The following PPIE variants were observed in gnomAD, a reference collection of about 807,000 sequenced individuals.
The protein encoded by PPIE is peptidyl-prolyl cis-trans isomerase E.
A neutral mutation model predicts 38.4 loss-of-function variants in PPIE; 20 were observed. The observed-to-expected ratio is 0.52, with a 90% CI of 0.37 to 0.76. PPIE has a LOEUF of 0.76. Ranked by LOEUF, PPIE falls within the 30% of genes least tolerant of loss-of-function variation. The pLI, the probability that PPIE is intolerant of heterozygous loss-of-function variation, is 0.00. For synonymous variants in PPIE, 142 were observed against 135.7 expected, an observed-to-expected ratio of 1.05 and a Z score of -0.32; for missense variants, 322 against 385.8, an observed-to-expected ratio of 0.83 and a Z score of 1.39.
At chr1:39,759,159 T>C (rs777374866), downstream of PPIE, 4 of 152,224 alleles carry the variant, frequency 2.6e-5, no homozygotes, top group Non-Finnish European at 5.9e-5. Context: ...AGAACAGCAG[T>C]TTCCGAGAAC....
intron 9 of PPIE, chr1:39,762,729 G>A: frequency 1.4e-6 from 2 of 1,429,916 alleles, no homozygotes; most frequent in East Asian, 5.0e-5. Context: ...GTACTCGGCG[G>A]CCCGTGTGCT....
chr1:39,760,702 T>TAAC, downstream of PPIE: 1 of 1,195,328 alleles, frequency 8.4e-7, no homozygotes, highest in African/African-American at 1.6e-5. Flanking sequence ...ACAATAATAA[T>TAAC]AACTATTAAC....
rs780030839 is a variant in PPIE, at chr1:39,753,666, G to A, written c.*311G>A. On this transcript the variant is annotated 3_prime_UTR_variant, in exon 10 of 10. Coordinates refer to ENST00000324379, the MANE Select transcript of PPIE (RefSeq NM_006112.4). ...CTGGGACTACCAGTGTGGCTCTTAC[G>A]TGTTTTCTTTGCTAAAATAAACCCT... The A allele has an allele frequency of 1.1e-5, 13 of 1,177,056 alleles. No homozygotes were observed. The highest frequency in any genetic ancestry group is 3.2e-5 in the African/African-American group (2 of 63,014). 72.9% of individuals were successfully genotyped at this position (1,177,056 alleles called of 1,614,324 possible).
At position 39,745,518 on chromosome 1, in the gene PPIE, C is replaced by A; in HGVS notation, c.508+20C>A. On this transcript the variant is annotated intron_variant, in intron 7 of 9. Transcript: ENST00000324379. ...CAGCAGGTGAGCAGGACGCTGTGGT[C>A]AGAACGGCGGGACGCTGGTGGCTGA... The A allele has an allele frequency of 1.2e-6, 2 of 1,614,130 alleles. No individual in the cohort carries two copies. Among genetic ancestry groups the A allele is most frequent in the South Asian group, 2.2e-5 (2 of 91,044 alleles).
At chr1:39,750,483 T>C (rs1282224930) in intron 8 of PPIE, among the ~76,000 whole-genome samples, 1 of 152,228 alleles carries the variant, frequency 6.6e-6, no homozygotes, top group Non-Finnish European at 1.5e-5. Context: ...ATATTTGCAT[T>C]ATACTTACCA....
chr1:39,753,093 A>C (rs769910016), intron 9 of PPIE, 41 bp downstream of exon 9: 195 of 1,612,688 alleles, frequency 1.2e-4, no homozygotes, highest in Middle Eastern at 9.9e-4. Context: ...CCCAGGCCCT[A>C]GGAGCACAGC....
chr1:39,756,505 C>T lies in PPIE; in HGVS notation c.*3150C>T, dbSNP rs1648287415. 7.1e-6 allele frequency: 7 copies of T among 985,402 alleles called. No homozygotes were observed. The highest frequency in any genetic ancestry group is 8.4e-6 in the Non-Finnish European group (7 of 829,932). 61.0% of individuals were successfully genotyped at this position (985,402 alleles called of 1,614,324 possible). A position where few individuals can be genotyped will look rare whatever the true frequency, so the allele number is the denominator to read the frequency against. On this transcript the variant is annotated 3_prime_UTR_variant, in exon 10 of 10. Transcript: ENST00000324379. ...GTCCTCTCCAACAGCATGACAGCCGCCTCCAGGTGCTCCCAGCATCTGTTG... is the reference window on the plus strand; with the variant it reads ...GTCCTCTCCAACAGCATGACAGCCGTCTCCAGGTGCTCCCAGCATCTGTTG...
chr1:39,755,768 T>C lies in PPIE; in HGVS notation c.*2413T>C. 1 of 985,322 alleles carries C rather than the reference T, an allele frequency of 1.0e-6. No individual in the cohort carries two copies. Among genetic ancestry groups the C allele is most frequent in the Non-Finnish European group, 1.2e-6 (1 of 829,896 alleles). 61.0% of individuals were successfully genotyped at this position (985,322 alleles called of 1,614,324 possible). A position where few individuals can be genotyped will look rare whatever the true frequency, so the allele number is the denominator to read the frequency against. On this transcript the variant is annotated 3_prime_UTR_variant, in exon 10 of 10. Transcript: ENST00000324379. ...TTTGGAGCCATTGGGTGTGGACTCC[T>C]CTCCCAGTGTTCCTCCTGGGTGTTC...
At chr1:39,743,428 A>G in intron 5 of PPIE, 131 bp downstream of exon 5, 1 of 785,820 alleles carries the variant, frequency 1.3e-6, no homozygotes, top group Non-Finnish European at 2.1e-6. Context: ...ATGATGGTTC[A>G]CATTGGGAAG....
At chr1:39,757,697 G>C (rs1648435653), downstream of PPIE, 3 of 152,292 alleles carry the variant, frequency 2.0e-5, no homozygotes, top group African/African-American at 7.2e-5. Context: ...AGATAAACAG[G>C]CCATGCCCTG....
chr1:39,762,418 C>G, intron 9 of PPIE: 1 of 1,425,072 alleles, frequency 7.0e-7, no homozygotes, highest in Non-Finnish European at 9.3e-7. Context: ...GTAAAAAGTT[C>G]TAGAAGGAAG....
chr1:39,741,991 C>A (rs775379840), intron 4 of PPIE, 70 bp downstream of exon 4: 2 of 1,546,288 alleles, frequency 1.3e-6, no homozygotes, highest in African/African-American at 1.4e-5. Flanking sequence ...ATTCATATAT[C>A]AGTGTTCTGG....
intron 7 of PPIE, chr1:39,747,834 A>G (rs1302664498): frequency 6.6e-6 from 1 of 152,162 alleles, no homozygotes; most frequent in Non-Finnish European, 1.5e-5. Flanking sequence ...CTACTGACTA[A>G]TGATGTTGAA....
chr1:39,740,108 G>T (rs1647020564), intron 1 of PPIE, 57 bp from the exon 2 acceptor site: 15 of 1,415,450 alleles, frequency 1.1e-5, no homozygotes, highest in Non-Finnish European at 1.3e-5. Context: ...TGGGCTGCAA[G>T]GACTTCTGCA....
intron 9 of PPIE, chr1:39,762,531 C>G (rs1194821962): frequency 1.4e-5 from 21 of 1,550,034 alleles, no homozygotes; most frequent in Non-Finnish European, 1.8e-5. Flanking sequence ...CCCCAGATAC[C>G]AAGGCATCAA....
chr1:39,743,659 G>A (rs1364614269), intron 5 of PPIE, among the ~76,000 whole-genome samples, 165 bp from the exon 6 acceptor site: 1 of 152,178 alleles, frequency 6.6e-6, no homozygotes, highest in Non-Finnish European at 1.5e-5. Flanking sequence ...CTGGACTTCA[G>A]GGCCTACATT....
At chr1:39,743,968 C>A in intron 6 of PPIE, 44 bp downstream of exon 6, 1 of 1,385,274 alleles carries the variant, frequency 7.2e-7, no homozygotes, top group South Asian at 1.3e-5. Flanking sequence ...CCGGCGCTGT[C>A]CACAGGAGAC....
intron 8 of PPIE, among the ~76,000 whole-genome samples, chr1:39,752,703 C>T (rs552114013): frequency 6.6e-6 from 1 of 152,356 alleles, no homozygotes; most frequent in South Asian, 2.1e-4. Context: ...AATGAAAGAA[C>T]AGACCAGTAT....
At chr1:39,763,013 C>T (rs1204532631) in intron 9 of PPIE, 2 of 1,545,718 alleles carry the variant, frequency 1.3e-6, no homozygotes, top group East Asian at 2.2e-5. Flanking sequence ...CCTCACTGCC[C>T]TCCCAGCCAG....
Sources: gnomAD v4.1 joint callset for allele counts (sites outside exome capture counted in the v4.1 genomes callset) on GRCh38, gnomAD v4.1.1 for gene constraint, MANE v1.5 for transcripts, NCBI Gene and HGNC (gene_info 2026-07-23, HGNC 2026-07-21) for gene names.